Variants in CCDC88C observed in about 807,000 individuals in gnomAD.
The protein encoded by CCDC88C is coiled-coil and HOOK domain protein 88C.
CCDC88C carries 131 observed loss-of-function variants against 198.8 expected under a neutral mutation model. The ratio of observed to expected loss-of-function variants is 0.66; its 90% confidence interval spans 0.57 to 0.76. The LOEUF (loss-of-function observed/expected upper bound fraction) is 0.76, where lower values mean the gene tolerates loss of function less well. CCDC88C is among the 30% of genes least tolerant of loss of function. CCDC88C has a pLI of 0.00. For synonymous variants in CCDC88C, 1,166 were observed against 1,114.7 expected, an observed-to-expected ratio of 1.05 and a Z score of -0.92; for missense variants, 2,553 against 2,631.6, an observed-to-expected ratio of 0.97 and a Z score of 0.65.
intron 3 of CCDC88C, among the ~76,000 whole-genome samples, chr14:91,397,148 G>C (rs988484825): frequency 5.9e-5 from 9 of 152,106 alleles, no homozygotes; most frequent in Non-Finnish European, 1.3e-4. Context: ...GGGAAGTCCC[G>C]ATGTGTCAAT....
At chr14:91,289,965 C>A (rs912587187) in intron 24 of CCDC88C, among the ~76,000 whole-genome samples, 1 of 152,132 alleles carries the variant, frequency 6.6e-6, no homozygotes, top group Non-Finnish European at 1.5e-5. Context: ...CTGTGTCAAA[C>A]AGAAGATTCA....
chr14:91,397,018 AG>A (rs1490775121), intron 3 of CCDC88C, among the ~76,000 whole-genome samples: 1 of 152,128 alleles, frequency 6.6e-6, no homozygotes, highest in Non-Finnish European at 1.5e-5. Context: ...CAAAAAAAAA[AG>A]AAAGAAAGAA....
Position 91,313,010 on chromosome 14 carries a change from A to C in CCDC88C, c.2736+70T>G. 1.7e-6 allele frequency: 2 copies of C among 1,200,272 alleles called. No individual in the cohort carries two copies. The highest frequency in any genetic ancestry group is 2.3e-6 in the Non-Finnish European group (2 of 853,410). The allele number at this position is 1,200,272 out of a possible 1,614,324, so 74.4% of individuals were successfully genotyped here. A position where few individuals can be genotyped will look rare whatever the true frequency, so the allele number is the denominator to read the frequency against. On this transcript the variant is annotated intron_variant, in intron 15 of 29. Transcript: ENST00000389857. The surrounding 1 kb of genome is among the most constrained non-coding windows in gnomAD (Gnocchi z 5.2). ...ACACAGAGTCTTATTTCTCTCCTGA[A>C]ACCATGCACCACAGAACCCACTACC... is the stretch of plus-strand genomic sequence containing the variant.
At chr14:91,304,192 C>G (rs947234627) in intron 19 of CCDC88C, among the ~76,000 whole-genome samples, 2 of 152,224 alleles carry the variant, frequency 1.3e-5, no homozygotes, top group Non-Finnish European at 2.9e-5. Context: ...TACTTCAGTC[C>G]TGAGCCACTC....
chr14:91,380,115 T>C (rs776900327), intron 3 of CCDC88C, among the ~76,000 whole-genome samples: 2 of 152,202 alleles, frequency 1.3e-5, no homozygotes, highest in African/African-American at 2.4e-5. Context: ...ATTCATTTCC[T>C]CATATTTGTT....
intron 3 of CCDC88C, among the ~76,000 whole-genome samples, chr14:91,360,181 G>T (rs1464091236): frequency 6.6e-6 from 1 of 151,696 alleles, no homozygotes; most frequent in African/African-American, 2.4e-5. Context: ...GCTTTGGGTG[G>T]CTGAGGCAAG....
rs778535965 is a variant in CCDC88C, at chr14:91,278,071, G to A, written c.4909C>T (p.Arg1637Trp). The A allele has an allele frequency of 6.2e-6, 10 of 1,611,986 alleles. No homozygotes were observed. In the African/African-American group the frequency reaches 1.1e-4, roughly 17 times the overall value. Residue 1637 changes from arginine (R) to tryptophan (W), a missense_variant, in exon 29 of 30, where the codon CGG (arginine) becomes TGG (tryptophan). Coordinates refer to ENST00000389857, the MANE Select transcript of CCDC88C (RefSeq NM_001080414.4). ...ALGRHEYPLP[R>W]NGPLPQEGAQ... ...CCCTCCTGTGGGAGAGGCCCGTTCC[G>A]AGGCAAGGGGTACTCGTGGCGGCCG...
At chr14:91,304,930 T>A (rs1891495307) in intron 19 of CCDC88C, among the ~76,000 whole-genome samples, 1 of 152,210 alleles carries the variant, frequency 6.6e-6, no homozygotes, top group South Asian at 2.1e-4. Flanking sequence ...AGATACATAT[T>A]TTCAAACTTT....
In CCDC88C at chr14:91,339,434, T is replaced by C; in HGVS notation, c.653A>G (p.Asp218Gly). 2 of 1,608,074 alleles carry C rather than the reference T, an allele frequency of 1.2e-6. No homozygotes were observed. The highest frequency in any genetic ancestry group is 1.7e-6 in the Non-Finnish European group (2 of 1,175,194). Residue 218 changes from aspartate (D) to glycine (G), a missense_variant, in exon 8 of 30, where the codon GAC (aspartate) becomes GGC (glycine). Physicochemically the swap from Asp to Gly is moderately conservative, Grantham distance 94 (BLOSUM62 -1). Coordinates refer to ENST00000389857, the MANE Select transcript of CCDC88C (RefSeq NM_001080414.4). This position sits in a 1 kb window ranked among gnomAD's most constrained non-coding sequence, Gnocchi z 5.8. ...ELIVDLTQERDYLQAQHPPSP... is the reference protein window; with the variant it reads ...ELIVDLTQERGYLQAQHPPSP... ...GGGTGGATGCTGTGCCTGCAGGTAG[T>C]CCCGTTCCTGAGTGAGGTCCACGAT...
chr14:91,410,165 C>T (rs953814935), intron 2 of CCDC88C, among the ~76,000 whole-genome samples: 3 of 152,224 alleles, frequency 2.0e-5, no homozygotes, highest in South Asian at 4.1e-4. Flanking sequence ...AAAACGTTCC[C>T]CATTAGACAA....
At chr14:91,368,952 T>G (rs2139922984) in intron 3 of CCDC88C, among the ~76,000 whole-genome samples, 1 of 152,028 alleles carries the variant, frequency 6.6e-6, no homozygotes, top group Middle Eastern at 3.4e-3. Context: ...AGTGAAGAGG[T>G]TCCATCTCCT....
Position 91,313,144 on chromosome 14 carries a change from T to C in CCDC88C, c.2672A>G (p.Lys891Arg). The C allele has an allele frequency of 6.2e-7, 1 of 1,610,156 alleles. No individual in the cohort carries two copies. The highest frequency in any genetic ancestry group is 2.2e-5 in the East Asian group (1 of 44,820). The part of the protein sequence containing the change: ...DAAGKLKELE[K>R]DNRDLTKQVT... ...TTGCTTGGTGAGGTCCCGGTTGTCC[T>C]TCTCCAGCTCCTTCAGCTTGCCGGC... Residue 891 changes from lysine (K) to arginine (R), a missense_variant, in exon 15 of 30, where the codon AAG becomes AGG. By Grantham distance (26) the Lys-to-Arg change is conservative. This residue lies in a region of CCDC88C where 1,260 missense variants were observed against 1,412.0 expected (regional missense o/e 0.89). Coordinates refer to ENST00000389857, the MANE Select transcript of CCDC88C (RefSeq NM_001080414.4). The surrounding 1 kb of genome is among the most constrained non-coding windows in gnomAD (Gnocchi z 5.2).
rs1891534214 is a variant in CCDC88C, at chr14:91,305,869, T to C, written c.3253A>G (p.Thr1085Ala). ...LLKEQLQHLE[T>A]QNVTFSSQIL... ...TGGCTGCTGAAGGTCACGTTCTGGG[T>C]CTCCAGGTGCTGCAGCTGTTCCTTT... Residue 1085 changes from threonine (T) to alanine (A), a missense_variant, in exon 19 of 30, where the codon ACC becomes GCC. By Grantham distance (58) the Thr-to-Ala change is moderately conservative. Transcript: ENST00000389857. 1.2e-6 allele frequency: 2 copies of C among 1,613,776 alleles called. No homozygotes were observed. The highest frequency in any genetic ancestry group is 1.7e-6 in the Non-Finnish European group (2 of 1,179,878).
intron 24 of CCDC88C, among the ~76,000 whole-genome samples, chr14:91,289,696 C>T (rs1268163809): frequency 6.6e-6 from 1 of 152,136 alleles, no homozygotes; most frequent in Non-Finnish European, 1.5e-5. Flanking sequence ...AGTTAATAAT[C>T]AGTGAAATAA....
At chr14:91,298,972 A>G (rs766205621) in intron 21 of CCDC88C, among the ~76,000 whole-genome samples, 3 of 152,244 alleles carry the variant, frequency 2.0e-5, no homozygotes, top group Non-Finnish European at 2.9e-5. Context: ...TTAAAAAGAA[A>G]GCCAAAAAGA....
rs540266733 is a variant in CCDC88C at position 91,276,313 on chromosome 14, C to T, written c.5058+1609G>A. Among the ~76,000 whole-genome samples, 17 of 152,362 alleles carry T rather than the reference C, an allele frequency of 1.1e-4. 1 individual carries two copies. The East Asian group carries it at 2.7e-3, about 24-fold the overall frequency. ...GAGTTTGAGAACCACAACATTAGAC[C>T]GCTAACTTCTCGAGGGCAGGCCCTC... On this transcript the variant is annotated intron_variant, in intron 29 of 29. Transcript: ENST00000389857.
intron 2 of CCDC88C, among the ~76,000 whole-genome samples, chr14:91,416,373 C>G (rs1390554774): frequency 6.6e-6 from 1 of 152,206 alleles, no homozygotes; most frequent in Non-Finnish European, 1.5e-5. Context: ...CCCGACACTT[C>G]CTGTAACCAG....
intron 3 of CCDC88C, among the ~76,000 whole-genome samples, chr14:91,373,640 A>G (rs2139933929): frequency 6.6e-6 from 1 of 152,332 alleles, no homozygotes; most frequent in African/African-American, 2.4e-5. Flanking sequence ...ATCACCAAGA[A>G]TGTATTCTAT....
At chr14:91,308,918 T>C (rs1003544547) in intron 16 of CCDC88C, among the ~76,000 whole-genome samples, 1 of 152,178 alleles carries the variant, frequency 6.6e-6, no homozygotes, top group African/African-American at 2.4e-5. Context: ...AAGTCCAAGA[T>C]GTTCGATTTC....
Sources: allele counts gnomAD v4.1 joint callset (sites outside exome capture counted in the v4.1 genomes callset), GRCh38; gene constraint gnomAD v4.1.1; regional missense constraint gnomAD v4.1.1; non-coding constraint Gnocchi (gnomAD v3.1); transcripts MANE v1.5; gene names NCBI Gene and HGNC (gene_info 2026-07-23, HGNC 2026-07-21).